THRB: variants seen among roughly 807,000 people sequenced by gnomAD.
The protein encoded by THRB is nuclear receptor subfamily 1 group A member 2.
THRB carries 12 observed loss-of-function variants against 47.8 expected under a neutral mutation model. The ratio of observed to expected loss-of-function variants is 0.25; its 90% CI spans 0.16 to 0.41. The LOEUF (loss-of-function observed/expected upper bound fraction) is 0.41, where lower values mean the gene tolerates loss of function less well. THRB is among the 10% of genes least tolerant of loss of function. The probability of loss-of-function intolerance (pLI) is 1.00; values close to 1 mark genes in which losing one functional copy is unlikely to be tolerated. For missense variants in THRB, 348 were observed against 589.2 expected (o/e 0.59, Z 4.24); for synonymous variants, 218 against 212.2 (o/e 1.03, Z -0.24).
At chr3:24,362,139 G>C (rs1386627884) in intron 1 of THRB, among the ~76,000 whole-genome samples, 1 of 152,068 alleles carries the variant, frequency 6.6e-6, no homozygotes, top group African/African-American at 2.4e-5. Flanking sequence ...TTTTAAAAGA[G>C]ATGTCAGATC....
At chr3:24,408,554 C>T (rs1005091189) in intron 1 of THRB, among the ~76,000 whole-genome samples, 1 of 151,750 alleles carries the variant, frequency 6.6e-6, no homozygotes, top group Non-Finnish European at 1.5e-5. Context: ...GGTATGCAAT[C>T]ATATTTGGAC....
chr3:24,160,206 T>A (rs2038586066), intron 5 of THRB, among the ~76,000 whole-genome samples: 1 of 152,058 alleles, frequency 6.6e-6, no homozygotes, highest in East Asian at 1.9e-4. Context: ...GAGGAACCCA[T>A]GGGGAGACTG....
chr3:24,233,615 G>GAA lies in THRB; in HGVS notation c.-42-4615_-42-4614insTT, dbSNP rs1553658450. Among the ~76,000 whole-genome samples, 246 of 101,962 alleles carry GAA rather than the reference G, an allele frequency of 2.4e-3. 6 individuals carry two copies. Among genetic ancestry groups the GAA allele is most frequent in the South Asian group, 3.9e-3 (11 of 2,840 alleles). The allele number at this position is 101,962 out of a possible 152,430, so 66.9% of individuals were successfully genotyped here. A position where few individuals can be genotyped will look rare whatever the true frequency, so the allele number is the denominator to read the frequency against. On this transcript the variant is annotated intron_variant, in intron 3 of 10. Coordinates refer to ENST00000646209, the MANE Select transcript of THRB (RefSeq NM_001354712.2). Reference sequence around the variant, plus strand: ...AGAAAGAAAGAAAGAAAGAAAGAAAGAGAAAGAGCCTGTAGGACATTGGTC... The same window carrying GAA: ...AGAAAGAAAGAAAGAAAGAAAGAAAGAAAGAAAGAGCCTGTAGGACATTGGTC...
intron 5 of THRB, among the ~76,000 whole-genome samples, chr3:24,184,247 C>A (rs1187938497): frequency 6.6e-6 from 1 of 152,202 alleles, no homozygotes; most frequent in Non-Finnish European, 1.5e-5. Context: ...ACATTTAGAT[C>A]GCTTCCAGTT....
intron 1 of THRB, among the ~76,000 whole-genome samples, chr3:24,372,289 T>A (rs1399423548): frequency 6.6e-6 from 1 of 152,126 alleles, no homozygotes; most frequent in Non-Finnish European, 1.5e-5. Context: ...ACCAACATGA[T>A]GTTACCACAT....
chr3:24,192,522 G>A (rs1168633055), intron 4 of THRB, among the ~76,000 whole-genome samples: 1 of 152,080 alleles, frequency 6.6e-6, no homozygotes. Flanking sequence ...CTAAAATTTG[G>A]TATTAATTCC....
At chr3:24,127,019 A>G (rs991221679) in intron 10 of THRB, among the ~76,000 whole-genome samples, 23 of 152,334 alleles carry the variant, frequency 1.5e-4, no homozygotes, top group African/African-American at 5.5e-4. Flanking sequence ...GCCATCTTGG[A>G]TGTTTAAGCC....
At chr3:24,262,750 C>T (rs2052199304) in intron 3 of THRB, among the ~76,000 whole-genome samples, 1 of 152,222 alleles carries the variant, frequency 6.6e-6, no homozygotes, top group African/African-American at 2.4e-5. Context: ...TCCACTTTCT[C>T]TCCAGAGAGC....
chr3:24,229,394 A>G lies in THRB; in HGVS notation c.-42-393T>C, dbSNP rs558960671. Reference sequence around the variant, plus strand: ...GCCAGCAGTCTCGACATTGCCTGAGAGCTTGTGAGAAATAGAAAATTTGGG... The same window carrying G: ...GCCAGCAGTCTCGACATTGCCTGAGGGCTTGTGAGAAATAGAAAATTTGGG... On this transcript the variant is annotated intron_variant, in intron 3 of 10. Coordinates refer to ENST00000646209, the MANE Select transcript of THRB (RefSeq NM_001354712.2). Among the ~76,000 whole-genome samples the G allele has an allele frequency of 2.6e-5, 4 of 152,208 alleles. No homozygotes were observed. The South Asian group carries it at 8.3e-4, about 32-fold the overall frequency.
intron 3 of THRB, among the ~76,000 whole-genome samples, chr3:24,276,989 C>G (rs941262652): frequency 6.6e-6 from 1 of 152,136 alleles, no homozygotes; most frequent in African/African-American, 2.4e-5. Flanking sequence ...ATTTAAGTTT[C>G]CAGTAATGAT....
intron 3 of THRB, among the ~76,000 whole-genome samples, chr3:24,264,900 G>T (rs912419032): frequency 2.0e-5 from 3 of 152,152 alleles, no homozygotes; most frequent in African/African-American, 7.2e-5. Flanking sequence ...TAGGTGGGTG[G>T]AAGGGAATTG....
intron 3 of THRB, among the ~76,000 whole-genome samples, chr3:24,293,321 G>C (rs2056133593): frequency 6.6e-6 from 1 of 152,140 alleles, no homozygotes; most frequent in African/African-American, 2.4e-5. Flanking sequence ...CCTAGGCTGT[G>C]CCCCTAGCAA....
chr3:24,406,272 T>C (rs182053667), intron 1 of THRB, among the ~76,000 whole-genome samples: 1 of 151,898 alleles, frequency 6.6e-6, no homozygotes, highest in Non-Finnish European at 1.5e-5. Flanking sequence ...TAAGTGGATA[T>C]TTAATCTTTT....
chr3:24,445,229 A>G (rs1435397761), intron 1 of THRB, among the ~76,000 whole-genome samples: 2 of 152,006 alleles, frequency 1.3e-5, no homozygotes, highest in Non-Finnish European at 2.9e-5. Flanking sequence ...ATCTCATACT[A>G]TATGTTAAAA....
rs1467866073 is a variant in THRB at position 24,121,565 on chromosome 3, G to C, written c.*1319C>G. 6.6e-6 allele frequency: 1 copy of C among 152,644 alleles called. No individual in the cohort carries two copies. The highest frequency in any genetic ancestry group is 1.9e-4 in the East Asian group (1 of 5,202). The allele number at this position is 152,644 out of a possible 1,614,324, so 9.5% of individuals were successfully genotyped here. On this transcript the variant is annotated 3_prime_UTR_variant, in exon 11 of 11. Transcript: ENST00000646209. ...CTGGGCACAAGCTATTCTAGCATGG[G>C]CCGTTGGGGAGGCAGGTTGGGCAGG...
chr3:24,164,900 G>A (rs1360355572), intron 5 of THRB: 3 of 597,702 alleles, frequency 5.0e-6, no homozygotes, highest in South Asian at 2.1e-5. Flanking sequence ...TCTTACTGCC[G>A]TTTTTAATTT....
At chr3:24,370,587 C>A (rs1197802069) in intron 1 of THRB, among the ~76,000 whole-genome samples, 1 of 152,078 alleles carries the variant, frequency 6.6e-6, no homozygotes, top group Non-Finnish European at 1.5e-5. Flanking sequence ...GATCAATGCT[C>A]CACTATTTCA....
intron 1 of THRB, among the ~76,000 whole-genome samples, chr3:24,451,941 G>A (rs1423784450): frequency 6.6e-6 from 1 of 152,200 alleles, no homozygotes; most frequent in Non-Finnish European, 1.5e-5. Context: ...AGCACTGGGG[G>A]CTGGGCTGGT....
chr3:24,225,788 A>G (rs2047595351), intron 4 of THRB, among the ~76,000 whole-genome samples: 1 of 152,134 alleles, frequency 6.6e-6, no homozygotes, highest in Non-Finnish European at 1.5e-5. Flanking sequence ...AATTCCAGAC[A>G]GATAAAATAT....
Sources: gnomAD v4.1 joint callset for allele counts (sites outside exome capture counted in the v4.1 genomes callset) on GRCh38, gnomAD v4.1.1 for gene constraint, MANE v1.5 for transcripts, NCBI Gene and HGNC (gene_info 2026-07-23, HGNC 2026-07-21) for gene names.